SNX11: variants seen among roughly 807,000 people sequenced by gnomAD.
The protein encoded by SNX11 is sorting nexin 11, also known as sorting nexin-11.
A neutral mutation model predicts 30.7 loss-of-function variants in SNX11; 19 were observed. The ratio of observed to expected loss-of-function variants is 0.62; its 90% CI spans 0.43 to 0.91. SNX11 has a LOEUF of 0.91. Among genes scored for constraint, SNX11 ranks in the 40% least tolerant of loss-of-function variants. The pLI is 0.00. For missense variants in SNX11, 302 were observed against 326.7 expected (o/e 0.92, Z 0.58); for synonymous variants, 112 against 119.0 (o/e 0.94, Z 0.38).
chr17:48,109,633 A>G (rs2063471094), intron 1 of SNX11, among the ~76,000 whole-genome samples: 1 of 150,326 alleles, frequency 6.7e-6, no homozygotes, highest in Non-Finnish European at 1.5e-5. Context: ...GCTGGAGTGC[A>G]GTGGCGCGAT....
intron 4 of SNX11, among the ~76,000 whole-genome samples, chr17:48,115,834 G>A (rs1470390429): frequency 1.3e-5 from 2 of 151,868 alleles, no homozygotes; most frequent in African/African-American, 4.8e-5. Context: ...TGATGAGGCT[G>A]TTGTCCTGGG....
chr17:48,123,407 A>C lies in SNX11; in HGVS notation c.*1899A>C, dbSNP rs1420561338. Among the ~76,000 whole-genome samples the C allele has an allele frequency of 6.7e-6, 1 of 149,484 alleles. No homozygotes were observed. The highest frequency in any genetic ancestry group is 1.9e-4 in the East Asian group (1 of 5,160). On this transcript the variant is annotated 3_prime_UTR_variant, in exon 7 of 7. Coordinates refer to ENST00000359238, the MANE Select transcript of SNX11 (RefSeq NM_013323.3). ...CAGGAGCTGGAGGTGGTCTGTGTCA[A>C]TTCCCTACTCAGCCAAAAAAACAGC...
chr17:48,111,931 C>G (rs1206044357), intron 1 of SNX11, 100 bp from the exon 2 acceptor site: 1 of 911,680 alleles, frequency 1.1e-6, no homozygotes, highest in Non-Finnish European at 1.8e-6. Flanking sequence ...CTGGGTTTCC[C>G]CACGGGGGTC....
chr17:48,113,648 C>T (rs34130316), intron 4 of SNX11: 90,516 of 378,026 alleles, frequency 0.24, 11,618 homozygotes, highest in Admixed American at 0.34. Flanking sequence ...TGGGTTCTAG[C>T]AATCCTCCCA....
chr17:48,114,526 C>T (rs1341313132), intron 4 of SNX11, among the ~76,000 whole-genome samples: 2 of 146,590 alleles, frequency 1.4e-5, no homozygotes, highest in African/African-American at 5.1e-5. Context: ...GGTACAATCT[C>T]GGCTTACTGC....
chr17:48,121,684 G>A lies in SNX11; in HGVS notation c.*176G>A. On this transcript the variant is annotated 3_prime_UTR_variant, in exon 7 of 7. Transcript: ENST00000359238. The stretch of plus-strand genomic sequence containing the variant: ...TACAGCCCCTTATGCCTCTTCCATG[G>A]GAACAAATACTGTGCAGATGTTTGT... 1.6e-6 allele frequency: 1 copy of A among 636,152 alleles called. No homozygotes were observed. The highest frequency in any genetic ancestry group is 2.7e-6 in the Non-Finnish European group (1 of 365,872). The allele number at this position is 636,152 out of a possible 1,614,324, so 39.4% of individuals were successfully genotyped here.
intron 4 of SNX11, among the ~76,000 whole-genome samples, chr17:48,116,249 T>A (rs1307523246): frequency 6.6e-6 from 1 of 152,110 alleles, no homozygotes; most frequent in African/African-American, 2.4e-5. Flanking sequence ...AGAGCGAGAC[T>A]GTCTCAAAAA....
chr17:48,121,172 G>A (rs1598341803), intron 6 of SNX11, 63 bp from the exon 7 acceptor site: 12 of 1,538,440 alleles, frequency 7.8e-6, no homozygotes, highest in South Asian at 4.7e-5. Context: ...TTGTAGAGAC[G>A]GAGTCTCCCT....
chr17:48,115,139 G>A (rs1032195971), intron 4 of SNX11, among the ~76,000 whole-genome samples: 1 of 146,988 alleles, frequency 6.8e-6, no homozygotes, highest in East Asian at 2.0e-4. Flanking sequence ...TCGGCTCACT[G>A]CTACCTCAGC....
rs1182257470 is a variant in SNX11 at position 48,113,431 on chromosome 17, C to T, written c.230+30C>T. On this transcript the variant is annotated intron_variant, in intron 4 of 6. Transcript: ENST00000359238. Reference sequence around the variant, plus strand: ...GTTTGCTCTTGCTTCCTTCTTGGGTCTGTGACTGGCTTTTTGGGTGCTTAT... The same window carrying T: ...GTTTGCTCTTGCTTCCTTCTTGGGTTTGTGACTGGCTTTTTGGGTGCTTAT... The T allele has an allele frequency of 2.0e-6, 3 of 1,536,370 alleles. No individual in the cohort carries two copies. In the South Asian group the frequency reaches 3.4e-5, roughly 17 times the overall value.
chr17:48,116,898 T>C (rs2063551180), intron 4 of SNX11, among the ~76,000 whole-genome samples: 1 of 147,860 alleles, frequency 6.8e-6, no homozygotes, highest in Non-Finnish European at 1.5e-5. Flanking sequence ...GTCTTGCTCC[T>C]GTCTCATCCT....
intron 1 of SNX11, among the ~76,000 whole-genome samples, chr17:48,108,871 T>C (rs1330794856): frequency 6.6e-6 from 1 of 152,228 alleles, no homozygotes; most frequent in Non-Finnish European, 1.5e-5. Context: ...AGGAATCTAA[T>C]GGAGAAGAGT....
chr17:48,119,911 C>T (rs2063581538), intron 6 of SNX11, among the ~76,000 whole-genome samples: 3 of 152,094 alleles, frequency 2.0e-5, no homozygotes, highest in Non-Finnish European at 4.4e-5. Context: ...AGTAGTGACT[C>T]CCCTGTCCTT....
chr17:48,116,549 G>A (rs1037274719), intron 4 of SNX11, among the ~76,000 whole-genome samples: 1 of 151,058 alleles, frequency 6.6e-6, no homozygotes, highest in Non-Finnish European at 1.5e-5. Context: ...AATAATAGTT[G>A]ATGGTGGGTG....
chr17:48,112,517 G>C lies in SNX11; in HGVS notation c.43-57G>C, dbSNP rs192959924. ...TGGGTGGAAAAATCTAGCGACCTGT[G>C]TTGTCAGAGCTGCCTTGCTGTGTAG... On this transcript the variant is annotated intron_variant, in intron 2 of 6. Transcript: ENST00000359238. 20 of 1,148,738 alleles carry C rather than the reference G, an allele frequency of 1.7e-5. No individual in the cohort carries two copies. In the South Asian group the frequency reaches 2.6e-4, roughly 15 times the overall value. 71.2% of individuals were successfully genotyped at this position (1,148,738 alleles called of 1,614,324 possible).
chr17:48,107,630 G>A (rs1337276841), upstream of SNX11: 2 of 152,302 alleles, frequency 1.3e-5, no homozygotes, highest in African/African-American at 4.8e-5. Context: ...TCCAGTCCGG[G>A]GCCTTGGCCA....
intron 1 of SNX11, among the ~76,000 whole-genome samples, chr17:48,108,247 C>T (rs2063456694): frequency 6.6e-6 from 1 of 152,186 alleles, no homozygotes; most frequent in Admixed American, 6.5e-5. Flanking sequence ...GCCTTTGTTA[C>T]TTACCTTCCA....
intron 2 of SNX11, 100 bp from the exon 3 acceptor site, chr17:48,112,474 G>A: frequency 1.3e-6 from 1 of 743,654 alleles, no homozygotes. Context: ...TTGGTGTTGA[G>A]TGAATGAAAG....
rs1352495274 is a variant in SNX11 at position 48,114,551 on chromosome 17, G to A, written c.230+1150G>A. Reference sequence around the variant, plus strand: ...CGGCTTACTGCAACCTCCGCCTCCCGGGTTCAAGCAGTTCTCTGCCTCAGC... The same window carrying A: ...CGGCTTACTGCAACCTCCGCCTCCCAGGTTCAAGCAGTTCTCTGCCTCAGC... On this transcript the variant is annotated intron_variant, in intron 4 of 6. Transcript: ENST00000359238. Among the ~76,000 whole-genome samples the A allele has an allele frequency of 4.0e-5, 6 of 149,084 alleles. No individual in the cohort carries two copies. In the South Asian group the frequency reaches 8.6e-4, roughly 21 times the overall value.
Sources: allele counts gnomAD v4.1 joint callset (sites outside exome capture counted in the v4.1 genomes callset), GRCh38; gene constraint gnomAD v4.1.1; transcripts MANE v1.5; gene names NCBI Gene and HGNC (gene_info 2026-07-23, HGNC 2026-07-21).